CADPS: variants seen among roughly 807,000 people sequenced by gnomAD.
CADPS encodes the protein calcium-dependent secretion activator 1.
In CADPS, 57 loss-of-function variants were observed where a neutral mutation model predicts 167.3. That is an observed-to-expected ratio of 0.34 (90% CI 0.28 to 0.42). The LOEUF is 0.42. Ranked by LOEUF, CADPS falls within the 20% of genes least tolerant of loss-of-function variation. The probability of loss-of-function intolerance (pLI) is 1.00; values close to 1 mark genes in which losing one functional copy is unlikely to be tolerated. For missense variants in CADPS, 1,414 were observed against 1,738.1 expected (o/e 0.81, Z 3.32); for synonymous variants, 676 against 635.3 (o/e 1.06, Z -0.96).
chr3:62,720,384 G>T (rs1434210415), intron 3 of CADPS, among the ~76,000 whole-genome samples: 1 of 151,276 alleles, frequency 6.6e-6, no homozygotes, highest in Non-Finnish European at 1.5e-5. Context: ...TCAGACTGCA[G>T]TGCAGTGGTA....
At chr3:62,741,675 C>A (rs1204332479) in intron 3 of CADPS, among the ~76,000 whole-genome samples, 1 of 152,120 alleles carries the variant, frequency 6.6e-6, no homozygotes, top group South Asian at 2.1e-4. Context: ...TCATACTGAA[C>A]AGGCAAAAGC....
At chr3:62,688,385 T>C (rs1343293190) in intron 3 of CADPS, among the ~76,000 whole-genome samples, 5 of 152,092 alleles carry the variant, frequency 3.3e-5, no homozygotes, top group African/African-American at 9.7e-5. Flanking sequence ...CAGTCTCTAA[T>C]AGCATTGTTA....
At position 62,491,368 on chromosome 3, in the gene CADPS, G is replaced by T; in HGVS notation, c.2997C>A (p.Gly999=). The T allele has an allele frequency of 6.2e-7, 1 of 1,614,056 alleles. No individual in the cohort carries two copies. Among genetic ancestry groups the T allele is most frequent in the Non-Finnish European group, 8.5e-7 (1 of 1,179,972 alleles). The change falls in exon 21 of 30, where the codon GGC becomes GGA. Residue 999 remains glycine (G), a synonymous_variant. Coordinates refer to ENST00000383710, the MANE Select transcript of CADPS (RefSeq NM_003716.4). ...CTGGTTCCCATGACTCCCGCTCAAA[G>T]CCCCTGTGAATGGATTGTGCAATTG... ...ESSIAQSIHR[G]FERESWEPVK...
chr3:62,469,799 C>T (rs533548692), intron 24 of CADPS: 127 of 152,904 alleles, frequency 8.3e-4, no homozygotes, highest in Non-Finnish European at 1.4e-3. Flanking sequence ...TGAGCCACCA[C>T]GTCCGGCCTC....
Position 62,661,669 on chromosome 3 carries a change from G to A in CADPS, c.969+645C>T, listed in dbSNP as rs545466475. On this transcript the variant is annotated intron_variant, in intron 4 of 29. Coordinates refer to ENST00000383710, the MANE Select transcript of CADPS (RefSeq NM_003716.4). ...ATGTTTGTATATGAGTTTTATCCGG[G>A]CAACTGTGTGCAGGATGGATAGAAA... Among the ~76,000 whole-genome samples the A allele has an allele frequency of 3.9e-5, 6 of 152,230 alleles. No homozygotes were observed. In the East Asian group the frequency reaches 1.2e-3, roughly 29 times the overall value.
At chr3:62,827,220 A>C (rs1348737611) in intron 1 of CADPS, among the ~76,000 whole-genome samples, 1 of 152,184 alleles carries the variant, frequency 6.6e-6, no homozygotes, top group Non-Finnish European at 1.5e-5. Context: ...TCTTTCCAAG[A>C]AGTCTGAAAA....
chr3:62,755,460 T>G (rs1468715651), intron 2 of CADPS, among the ~76,000 whole-genome samples: 1 of 152,154 alleles, frequency 6.6e-6, no homozygotes, highest in Non-Finnish European at 1.5e-5. Flanking sequence ...CTTCAGAAGG[T>G]GCATAAATAT....
At chr3:62,851,513 T>A (rs855105) in intron 1 of CADPS, among the ~76,000 whole-genome samples, 1 of 145,832 alleles carries the variant, frequency 6.9e-6, no homozygotes, top group Non-Finnish European at 1.5e-5. Context: ...GTAAAGTATT[T>A]TATTTCTCCT....
At chr3:62,830,395 T>C (rs1217763217) in intron 1 of CADPS, among the ~76,000 whole-genome samples, 1 of 152,216 alleles carries the variant, frequency 6.6e-6, no homozygotes, top group Non-Finnish European at 1.5e-5. Context: ...TCCACTTTAA[T>C]AGCAATCAGC....
intron 6 of CADPS, among the ~76,000 whole-genome samples, chr3:62,606,165 A>G (rs1011129844): frequency 7.2e-5 from 11 of 152,018 alleles, no homozygotes; most frequent in East Asian, 3.9e-4. Flanking sequence ...CCTCCTGCCC[A>G]CTTGATGTTG....
At chr3:62,493,111 C>T (rs9311841) in intron 19 of CADPS, among the ~76,000 whole-genome samples, 111,300 of 152,076 alleles carry the variant, frequency 0.73, 40,787 homozygotes, top group African/African-American at 0.78. Flanking sequence ...TCAGGAGTTA[C>T]TTTTCTGGGG....
chr3:62,863,823 T>C (rs1445840353), intron 1 of CADPS, among the ~76,000 whole-genome samples: 1 of 152,198 alleles, frequency 6.6e-6, no homozygotes, highest in Non-Finnish European at 1.5e-5. Flanking sequence ...AGTTGCACAT[T>C]TGTGCCTTGG....
intron 6 of CADPS, among the ~76,000 whole-genome samples, chr3:62,622,020 C>T (rs113472524): frequency 3.2e-4 from 48 of 152,128 alleles, no homozygotes; most frequent in African/African-American, 1.2e-3. Flanking sequence ...ACAAGTTTCA[C>T]GTCCTCTGTG....
At chr3:62,491,694 T>A (rs1158455301) in intron 20 of CADPS, among the ~76,000 whole-genome samples, 1 of 152,178 alleles carries the variant, frequency 6.6e-6, no homozygotes, top group Non-Finnish European at 1.5e-5. Context: ...AAAAACACTT[T>A]ACCCCTTGGT....
chr3:62,560,386 T>C (rs1328582880), intron 9 of CADPS, among the ~76,000 whole-genome samples: 2 of 152,180 alleles, frequency 1.3e-5, no homozygotes, highest in Non-Finnish European at 2.9e-5. Context: ...AAACTGTATT[T>C]TGTTGATGAA....
At chr3:62,666,862 T>C (rs1022230360) in intron 3 of CADPS, among the ~76,000 whole-genome samples, 3 of 152,174 alleles carry the variant, frequency 2.0e-5, no homozygotes, top group Admixed American at 6.5e-5. Flanking sequence ...GCTTGAGATA[T>C]AGCAGGGTGG....
Position 62,492,466 on chromosome 3 carries a change from A to C in CADPS, c.2728-20T>G, listed in dbSNP as rs567668319. ...AAAGGCCTTTAAAATTTGGCAGAAA[A>C]ACAATAGACAAAGAAGTGATGAGCT... is the stretch of plus-strand genomic sequence containing the variant. On this transcript the variant is annotated intron_variant, in intron 19 of 29. Transcript: ENST00000383710. The C allele has an allele frequency of 6.2e-7, 1 of 1,609,646 alleles. No homozygotes were observed. The highest frequency in any genetic ancestry group is 1.1e-5 in the South Asian group (1 of 90,802).
chr3:62,731,691 A>C (rs2077840227), intron 3 of CADPS, among the ~76,000 whole-genome samples: 1 of 151,458 alleles, frequency 6.6e-6, no homozygotes, highest in African/African-American at 2.4e-5. Context: ...ATTTGCCAAC[A>C]CATATTTCTT....
chr3:62,808,703 G>A (rs183509149), intron 1 of CADPS, among the ~76,000 whole-genome samples: 3 of 151,960 alleles, frequency 2.0e-5, no homozygotes, highest in East Asian at 1.9e-4. Context: ...TTTCTCTTTC[G>A]ATGTTATCAT....
Sources: allele counts gnomAD v4.1 joint callset (sites outside exome capture counted in the v4.1 genomes callset), GRCh38; gene constraint gnomAD v4.1.1; transcripts MANE v1.5; gene names NCBI Gene and HGNC (gene_info 2026-07-23, HGNC 2026-07-21).